Variants in ZZEF1 observed in about 807,000 individuals in gnomAD.
ZZEF1 encodes zinc finger ZZ-type and EF-hand domain-containing protein 1.
ZZEF1 carries 157 observed loss-of-function variants against 342.8 expected under a neutral mutation model. The observed-to-expected ratio is 0.46, with a 90% CI of 0.40 to 0.52. ZZEF1 has a LOEUF of 0.52. Among genes scored for constraint, ZZEF1 ranks in the 20% least tolerant of loss-of-function variants. The pLI is 0.00. For missense variants in ZZEF1, 3,480 were observed against 3,725.6 expected, an observed-to-expected ratio of 0.93 and a Z score of 1.72; for synonymous variants, 1,505 against 1,429.1, an observed-to-expected ratio of 1.05 and a Z score of -1.20.
In ZZEF1 at chr17:4,076,779, G is replaced by A; in HGVS notation, c.3112-20C>T. 1.2e-6 allele frequency: 2 copies of A among 1,607,828 alleles called. No individual in the cohort carries two copies. Among genetic ancestry groups the A allele is most frequent in the South Asian group, 1.1e-5 (1 of 90,998 alleles). On this transcript the variant is annotated intron_variant, in intron 20 of 54. Coordinates refer to ENST00000381638, the MANE Select transcript of ZZEF1 (RefSeq NM_015113.4). ...GATAACCTAATGGAAGATGGATGAA[G>A]CACTCAGCGTCCACCTTAGGCTGGG...
chr17:4,019,566 G>C (rs1485493917), intron 46 of ZZEF1, 103 bp downstream of exon 46: 1 of 1,031,168 alleles, frequency 9.7e-7, no homozygotes, highest in African/African-American at 1.6e-5. Context: ...CGGCCTGTCG[G>C]AGCGTCGATC....
Position 4,017,400 on chromosome 17 carries a change from G to T in ZZEF1, c.7972C>A (p.Gln2658Lys), listed in dbSNP as rs1245319487. 2.5e-6 allele frequency: 4 copies of T among 1,604,708 alleles called. No individual in the cohort carries two copies. In the South Asian group the frequency reaches 4.4e-5, roughly 18 times the overall value. The change falls in exon 48 of 55, where the codon CAG becomes AAG. Residue 2658 changes from glutamine to lysine, a missense_variant. Gln to Lys is a moderately conservative substitution (Grantham distance 53, BLOSUM62 1). Around this residue, in one of 5 missense-constraint regions of ZZEF1, gnomAD observed 1,269 missense variants for 1,342.4 expected, o/e 0.95. Coordinates refer to ENST00000381638, the MANE Select transcript of ZZEF1 (RefSeq NM_015113.4). This position sits in a 1 kb window ranked among gnomAD's most constrained non-coding sequence, Gnocchi z 5.1. ...HMTYILDMFM[Q>K]LEEKHEWEKI... Reference sequence around the variant, plus strand: ...TCCCACTCATGCTTTTCTTCCAGCTGCATGAACATATCCAAAATGTAGGTC... The same window carrying T: ...TCCCACTCATGCTTTTCTTCCAGCTTCATGAACATATCCAAAATGTAGGTC...
chr17:4,050,666 T>C (rs1285551445), intron 36 of ZZEF1, 115 bp downstream of exon 36: 2 of 1,473,474 alleles, frequency 1.4e-6, no homozygotes, highest in African/African-American at 2.8e-5. Context: ...AAGCCCCTTT[T>C]GTGGAAAAGT....
At chr17:4,097,900 G>A (rs541938185) in intron 9 of ZZEF1, among the ~76,000 whole-genome samples, 1 of 134,994 alleles carries the variant, frequency 7.4e-6, no homozygotes, top group South Asian at 2.4e-4. Flanking sequence ...ACCAGCCTGG[G>A]CAGCACAGTG....
In ZZEF1 at chr17:4,022,868, G is replaced by A. The variant is rs760480262; in HGVS notation, c.7093-40C>T. The A allele has an allele frequency of 3.1e-6, 5 of 1,608,352 alleles. No individual in the cohort carries two copies. In the African/African-American group the frequency reaches 4.0e-5, roughly 13 times the overall value. Reference sequence around the variant, plus strand: ...AAGAATGATGTGTGACTGCCTTGGAGTGAAGAAGGTACAACCTTAGCTGTA... The same window carrying A: ...AAGAATGATGTGTGACTGCCTTGGAATGAAGAAGGTACAACCTTAGCTGTA... On this transcript the variant is annotated intron_variant, in intron 43 of 54. Coordinates refer to ENST00000381638, the MANE Select transcript of ZZEF1 (RefSeq NM_015113.4).
Position 4,006,765 on chromosome 17 carries a change from A to T in ZZEF1, c.*125T>A. The T allele has an allele frequency of 1.0e-6, 1 of 999,576 alleles. No individual in the cohort carries two copies. Among genetic ancestry groups the T allele is most frequent in the Non-Finnish European group, 1.5e-6 (1 of 648,222 alleles). 61.9% of individuals were successfully genotyped at this position (999,576 alleles called of 1,614,324 possible). On this transcript the variant is annotated 3_prime_UTR_variant, in exon 55 of 55. Transcript: ENST00000381638. The stretch of plus-strand genomic sequence containing the variant: ...GGAGACGTGGCTGCTTGGCATCCTA[A>T]CTGGAGTGGTCAGCTCAAGGAGAGC...
At chr17:4,033,059 A>G (rs1473264053) in intron 40 of ZZEF1, 57 bp from the exon 41 acceptor site, 4 of 1,505,182 alleles carry the variant, frequency 2.7e-6, no homozygotes, top group Non-Finnish European at 3.6e-6. Context: ...TCAACTCGTT[A>G]GAGCTCACTA....
intron 39 of ZZEF1, among the ~76,000 whole-genome samples, chr17:4,037,919 T>C (rs1243329768): frequency 5.9e-5 from 9 of 152,174 alleles, no homozygotes; most frequent in Non-Finnish European, 1.3e-4. Flanking sequence ...TAAAAGACAC[T>C]TTTGGAGCAA....
intron 2 of ZZEF1, among the ~76,000 whole-genome samples, chr17:4,122,610 C>T (rs978050783): frequency 2.0e-5 from 3 of 152,204 alleles, no homozygotes; most frequent in Non-Finnish European, 2.9e-5. Flanking sequence ...GAACTCCCGA[C>T]CTCAGGTCGG....
chr17:4,121,278 G>C (rs751446200), intron 2 of ZZEF1, among the ~76,000 whole-genome samples: 1 of 152,218 alleles, frequency 6.6e-6, no homozygotes, highest in Non-Finnish European at 1.5e-5. Flanking sequence ...CTATCCACAT[G>C]CTGGTAATGC....
In ZZEF1 at chr17:4,123,919, A is replaced by G. The variant is rs754487407; in HGVS notation, c.487T>C (p.Ser163Pro). ...SHIIRQLQAC[S>P]LVPGFTDIFS... The stretch of plus-strand genomic sequence containing the variant: ...ATGGAAGCCTCACCTGGAACCAGAG[A>G]GCAGGCCTGTAGTTGTCTGATGATG... The change falls in exon 2 of 55, where the codon TCT (serine) becomes CCT (proline). Residue 163 changes from serine to proline, a missense_variant. Physicochemically the swap from Ser to Pro is moderately conservative, Grantham distance 74. Coordinates refer to ENST00000381638, the MANE Select transcript of ZZEF1 (RefSeq NM_015113.4). The G allele has an allele frequency of 1.2e-6, 2 of 1,613,552 alleles. No individual in the cohort carries two copies. Among genetic ancestry groups the G allele is most frequent in the African/African-American group, 1.3e-5 (1 of 74,838 alleles).
rs1322282756 is a variant in ZZEF1 at position 4,033,010 on chromosome 17, G to A, written c.6585-8C>T. ...CAGTCCAAGCCCACCCGGCTGGAAG[G>A]CAAGAGCTCCATTAGGGGCAGTACA... is the stretch of plus-strand genomic sequence containing the variant. On this transcript the variant is annotated splice_polypyrimidine_tract_variant and splice_region_variant and intron_variant, in intron 40 of 54. Transcript: ENST00000381638. 2 of 1,556,920 alleles carry A rather than the reference G, an allele frequency of 1.3e-6. No homozygotes were observed. Among genetic ancestry groups the A allele is most frequent in the Non-Finnish European group, 1.7e-6 (2 of 1,149,834 alleles).
At chr17:4,058,805 G>C (rs2057223773) in intron 31 of ZZEF1, among the ~76,000 whole-genome samples, 1 of 152,194 alleles carries the variant, frequency 6.6e-6, no homozygotes, top group Non-Finnish European at 1.5e-5. Flanking sequence ...GAGCCTGGGA[G>C]GTCCAGGCTG....
At position 4,068,563 on chromosome 17, in the gene ZZEF1, A is replaced by G. The variant is rs186220518; in HGVS notation, c.4076-1321T>C. Among the ~76,000 whole-genome samples, 623 of 127,628 alleles carry G rather than the reference A, an allele frequency of 4.9e-3. 2 individuals are homozygous for G. Among genetic ancestry groups the G allele is most frequent in the Non-Finnish European group, 8.5e-3 (516 of 60,582 alleles). The allele number at this position is 127,628 out of a possible 152,430, so 83.7% of individuals were successfully genotyped here. A position where few individuals can be genotyped will look rare whatever the true frequency, so the allele number is the denominator to read the frequency against. On this transcript the variant is annotated intron_variant, in intron 26 of 54. Coordinates refer to ENST00000381638, the MANE Select transcript of ZZEF1 (RefSeq NM_015113.4). ...TGGCCTCCCAAAGTGCTGGGATTAC[A>G]GGCGTAAAGCCACTGCACCCAGCCT...
At chr17:4,049,148 C>T (rs146638090) in intron 37 of ZZEF1, among the ~76,000 whole-genome samples, 9 of 152,236 alleles carry the variant, frequency 5.9e-5, no homozygotes, top group East Asian at 5.8e-4. Flanking sequence ...GCTCAAAGTA[C>T]GTCATATATA....
In ZZEF1 at chr17:4,142,580, C is replaced by G; in HGVS notation, c.316G>C (p.Ala106Pro). ...TCGCTAGAGCAGCCGGCGCCGCGAGCCTCCAGCAGCTCCCGGAACTGCTCC... is the reference window on the plus strand; with the variant it reads ...TCGCTAGAGCAGCCGGCGCCGCGAGGCTCCAGCAGCTCCCGGAACTGCTCC... The part of the protein sequence containing the change: ...TLEQFRELLE[A>P]RGAGCSSEQF... The change falls in exon 1 of 55, where the codon GCT (alanine) becomes CCT (proline). Residue 106 changes from alanine (A) to proline (P), a missense_variant. Coordinates refer to ENST00000381638, the MANE Select transcript of ZZEF1 (RefSeq NM_015113.4). The G allele has an allele frequency of 6.2e-7, 1 of 1,604,216 alleles. No individual in the cohort carries two copies. Among genetic ancestry groups the G allele is most frequent in the Non-Finnish European group, 8.5e-7 (1 of 1,179,666 alleles).
chr17:4,040,834 G>T (rs572213878), intron 39 of ZZEF1, among the ~76,000 whole-genome samples: 34 of 152,130 alleles, frequency 2.2e-4, no homozygotes, highest in Non-Finnish European at 3.8e-4. Context: ...TCAGGAAAAG[G>T]TCACTCTTAC....
At chr17:4,048,800 G>T (rs921978437) in intron 37 of ZZEF1, among the ~76,000 whole-genome samples, 17 of 151,812 alleles carry the variant, frequency 1.1e-4, no homozygotes, top group African/African-American at 4.1e-4. Flanking sequence ...TGCAACCTCC[G>T]CCTCCCGGGT....
chr17:4,047,567 C>G (rs928504900), intron 37 of ZZEF1, among the ~76,000 whole-genome samples: 1 of 152,046 alleles, frequency 6.6e-6, no homozygotes, highest in African/African-American at 2.4e-5. Flanking sequence ...CGTTGGAGCC[C>G]AGGAGGTGGA....
Sources: gnomAD v4.1 joint callset for allele counts (sites outside exome capture counted in the v4.1 genomes callset) on GRCh38, gnomAD v4.1.1 for gene constraint, gnomAD v4.1.1 regional missense constraint, Gnocchi (gnomAD v3.1) non-coding constraint, MANE v1.5 for transcripts, NCBI Gene and HGNC (gene_info 2026-07-23, HGNC 2026-07-21) for gene names.